TXNDC11: variants seen among roughly 807,000 people sequenced by gnomAD.
TXNDC11 encodes thioredoxin domain-containing protein 11.
A neutral mutation model predicts 78.0 loss-of-function variants in TXNDC11; 68 were observed. That is an observed-to-expected ratio of 0.87 (90% CI 0.72 to 1.07). The LOEUF (loss-of-function observed/expected upper bound fraction) is 1.07. Among genes scored for constraint, TXNDC11 ranks in the 50% least tolerant of loss-of-function variants. The pLI, the probability that TXNDC11 is intolerant of heterozygous loss-of-function variation, is 0.00. For synonymous variants in TXNDC11, 571 were observed against 495.2 expected, an observed-to-expected ratio of 1.15 and a Z score of -2.03; for missense variants, 1,389 against 1,221.8, an observed-to-expected ratio of 1.14 and a Z score of -2.04.
chr16:11,720,774 C>T (rs2051681047), intron 5 of TXNDC11, among the ~76,000 whole-genome samples: 1 of 151,600 alleles, frequency 6.6e-6, no homozygotes, highest in Non-Finnish European at 1.5e-5. Flanking sequence ...CACTCTGTCC[C>T]CCAGGCTGGA....
chr16:11,713,604 C>A (rs527547633), intron 5 of TXNDC11, among the ~76,000 whole-genome samples: 63 of 152,158 alleles, frequency 4.1e-4, no homozygotes, highest in African/African-American at 1.3e-3. Context: ...TTAGTAAACA[C>A]CGGGTTTCTC....
At chr16:11,699,259 A>G (rs2050942354) in intron 6 of TXNDC11, among the ~76,000 whole-genome samples, 1 of 152,154 alleles carries the variant, frequency 6.6e-6, no homozygotes. Context: ...AACCTGATAT[A>G]TTTTTCCATC....
At chr16:11,715,695 G>C (rs191922348) in intron 5 of TXNDC11, among the ~76,000 whole-genome samples, 5 of 152,278 alleles carry the variant, frequency 3.3e-5, no homozygotes, top group Admixed American at 3.3e-4. Context: ...AAGGTCCTCA[G>C]TAAATATTAT....
Position 11,699,101 on chromosome 16 carries a change from A to C in TXNDC11, c.907-776T>G, listed in dbSNP as rs546608318. Among the ~76,000 whole-genome samples, 5 of 152,380 alleles carry C rather than the reference A, an allele frequency of 3.3e-5. No individual in the cohort carries two copies. The East Asian group carries it at 9.6e-4, about 29-fold the overall frequency. ...AAAATGAGATATTTAAAACTCCTCA[A>C]AACGAAGATTTAAATTGACTCATAA... On this transcript the variant is annotated intron_variant, in intron 6 of 11. Coordinates refer to ENST00000283033, the MANE Select transcript of TXNDC11 (RefSeq NM_015914.7).
At chr16:11,706,024 T>C (rs139067467) in intron 5 of TXNDC11, among the ~76,000 whole-genome samples, 208 of 152,302 alleles carry the variant, frequency 1.4e-3, no homozygotes, top group African/African-American at 4.3e-3. Flanking sequence ...AACTTGGAAT[T>C]TGTTGGACAA....
rs551695371 is a variant in TXNDC11, at chr16:11,687,191, G to A, written c.2153+666C>T. Among the ~76,000 whole-genome samples the A allele has an allele frequency of 1.2e-4, 18 of 152,044 alleles. No individual in the cohort carries two copies. The East Asian group carries it at 3.5e-3, about 29-fold the overall frequency. ...TTTCCAACTGCTTCCACTTTGGAAA[G>A]TTTCCATCTCCCAGAGGAATCAGCA... On this transcript the variant is annotated intron_variant, in intron 10 of 11. Coordinates refer to ENST00000283033, the MANE Select transcript of TXNDC11 (RefSeq NM_015914.7).
At position 11,688,465 on chromosome 16, in the gene TXNDC11, G is replaced by A. The variant is rs1332722721; in HGVS notation, c.1901-20C>T. 1.3e-6 allele frequency: 2 copies of A among 1,587,846 alleles called. No individual in the cohort carries two copies. Among genetic ancestry groups the A allele is most frequent in the Non-Finnish European group, 1.7e-6 (2 of 1,165,586 alleles). ...AAGACTCTAAAAATAAAGAGAAAAT[G>A]AGATCAACTCTCCTCTAGATACAAA... On this transcript the variant is annotated intron_variant, in intron 8 of 11. Coordinates refer to ENST00000283033, the MANE Select transcript of TXNDC11 (RefSeq NM_015914.7).
intron 5 of TXNDC11, among the ~76,000 whole-genome samples, chr16:11,714,138 T>G (rs1434522497): frequency 6.6e-6 from 1 of 151,900 alleles, no homozygotes; most frequent in Admixed American, 6.6e-5. Flanking sequence ...ACTTCCTAGG[T>G]TCAAACCATC....
In TXNDC11 at chr16:11,734,089, C is replaced by CA. The variant is rs2052142360; in HGVS notation, c.472-11dup. 2 of 1,568,102 alleles carry CA rather than the reference C, an allele frequency of 1.3e-6. No individual in the cohort carries two copies. Among genetic ancestry groups the CA allele is most frequent in the Non-Finnish European group, 1.7e-6 (2 of 1,160,356 alleles). On this transcript the variant is annotated splice_polypyrimidine_tract_variant and intron_variant, in intron 2 of 11. Coordinates refer to ENST00000283033, the MANE Select transcript of TXNDC11 (RefSeq NM_015914.7). ...TTGCCACAAACAACACCTGCAGAGC[C>CA]AAAAAAGGTTTTCAAATGACTATGA...
rs33918257 is a variant in TXNDC11, at chr16:11,710,198, ATT to A, written c.794-9636_794-9635del. ...ACTTCCCTTGTATGCACTTCAATTAATTTTTTTTTTTTTTGGTAGCCCTCAGG... is the reference window on the plus strand; with the variant it reads ...ACTTCCCTTGTATGCACTTCAATTAATTTTTTTTTTTTGGTAGCCCTCAGG... On this transcript the variant is annotated intron_variant, in intron 5 of 11. Transcript: ENST00000283033. 6.9e-3 allele frequency among the ~76,000 whole-genome samples: 1,020 copies of A among 147,934 alleles called. 2 individuals are homozygous for A. Among genetic ancestry groups the A allele is most frequent in the Middle Eastern group, 0.018 (5 of 282 alleles).
intron 3 of TXNDC11, among the ~76,000 whole-genome samples, chr16:11,733,662 A>G (rs1327638116): frequency 6.6e-6 from 1 of 152,264 alleles, no homozygotes; most frequent in Non-Finnish European, 1.5e-5. Context: ...GTATTTTTAC[A>G]AAACACTCTT....
At chr16:11,725,076 T>C (rs1315045297) in intron 4 of TXNDC11, among the ~76,000 whole-genome samples, 10 of 152,222 alleles carry the variant, frequency 6.6e-5, no homozygotes, top group Admixed American at 4.6e-4. Flanking sequence ...AAGAAAATTA[T>C]ATAGAGCTCT....
intron 10 of TXNDC11, among the ~76,000 whole-genome samples, chr16:11,686,623 C>G (rs1029006228): frequency 6.6e-6 from 1 of 152,190 alleles, no homozygotes; most frequent in African/African-American, 2.4e-5. Context: ...AAGATTCTGT[C>G]ACTTAAAACC....
chr16:11,739,349 C>T (rs1016807895), intron 1 of TXNDC11, among the ~76,000 whole-genome samples: 1 of 152,094 alleles, frequency 6.6e-6, no homozygotes, highest in Non-Finnish European at 1.5e-5. Context: ...ACAAAAAACT[C>T]GAGTTGGTTG....
intron 5 of TXNDC11, among the ~76,000 whole-genome samples, chr16:11,720,683 T>C (rs551910318): frequency 2.0e-5 from 3 of 151,654 alleles, no homozygotes; most frequent in Non-Finnish European, 2.9e-5. Flanking sequence ...TTCCAAAGTG[T>C]TGGGATTACA....
intron 6 of TXNDC11, among the ~76,000 whole-genome samples, chr16:11,700,165 ACT>A (rs751307278): frequency 2.0e-5 from 3 of 152,192 alleles, no homozygotes; most frequent in Admixed American, 2.0e-4. Flanking sequence ...CAAGAGAGTA[ACT>A]CTGCAATTTT....
intron 8 of TXNDC11, among the ~76,000 whole-genome samples, chr16:11,688,920 G>C (rs2050637523): frequency 6.6e-6 from 1 of 151,904 alleles, no homozygotes; most frequent in Non-Finnish European, 1.5e-5. Context: ...CTTTATTAAG[G>C]TTCTTTAAGT....
intron 5 of TXNDC11, among the ~76,000 whole-genome samples, chr16:11,707,605 T>A (rs55840935): frequency 1.3e-5 from 2 of 151,702 alleles, no homozygotes; most frequent in African/African-American, 4.8e-5. Flanking sequence ...TGCACCACCA[T>A]GCCCAGCTAA....
In TXNDC11 at chr16:11,679,296, C is replaced by G. The variant is rs2050344317; in HGVS notation, c.2776G>C (p.Glu926Gln). The G allele has an allele frequency of 6.2e-7, 1 of 1,612,802 alleles. No homozygotes were observed. The highest frequency in any genetic ancestry group is 8.5e-7 in the Non-Finnish European group (1 of 1,179,890). Residue 926 changes from glutamate to glutamine, a missense_variant, in exon 12 of 12, where the codon GAG becomes CAG. Coordinates refer to ENST00000283033, the MANE Select transcript of TXNDC11 (RefSeq NM_015914.7). This position sits in a 1 kb window ranked among gnomAD's most constrained non-coding sequence, Gnocchi z 4.6. ...GGGAGCTGGGGGGTGGCTGAGGGCT[C>G]AGGCTGCTTGGGGTGGACCTCTCTC... ...AQREVHPKQPEPSATPQLPGS... is the reference protein window; with the variant it reads ...AQREVHPKQPQPSATPQLPGS...
Sources: gnomAD v4.1 joint callset for allele counts (sites outside exome capture counted in the v4.1 genomes callset) on GRCh38, gnomAD v4.1.1 for gene constraint, Gnocchi (gnomAD v3.1) non-coding constraint, MANE v1.5 for transcripts, NCBI Gene and HGNC (gene_info 2026-07-23, HGNC 2026-07-21) for gene names.